Variants in WWOX observed in about 807,000 individuals in gnomAD.
WWOX encodes WW domain-containing oxidoreductase.
WWOX carries 69 observed loss-of-function variants against 46.2 expected under a neutral mutation model. That is an observed-to-expected ratio of 1.49 (90% CI 1.23 to 1.82). WWOX has a LOEUF of 1.82. Ranked by LOEUF, WWOX falls within the 40% of genes most tolerant of loss-of-function variation. The pLI is 0.00. For missense variants in WWOX, 919 were observed against 542.6 expected (o/e 1.69, Z -6.89); for synonymous variants, 359 against 202.6 (o/e 1.77, Z -6.56).
chr16:78,601,539 A>G (rs1257066014), intron 8 of WWOX, among the ~76,000 whole-genome samples: 1 of 152,200 alleles, frequency 6.6e-6, no homozygotes, highest in Non-Finnish European at 1.5e-5. Context: ...CATTTTCCAA[A>G]TTGTAAGGTC....
intron 8 of WWOX, among the ~76,000 whole-genome samples, chr16:79,142,632 C>T (rs955726691): frequency 2.0e-5 from 3 of 152,146 alleles, no homozygotes; most frequent in Non-Finnish European, 4.4e-5. Context: ...CTCTTCGAGT[C>T]AGTATATCTC....
intron 8 of WWOX, among the ~76,000 whole-genome samples, chr16:79,130,269 A>G (rs1395934100): frequency 6.6e-6 from 1 of 152,218 alleles, no homozygotes; most frequent in Non-Finnish European, 1.5e-5. Flanking sequence ...TTCTATATAA[A>G]GTGCTTAGCA....
intron 8 of WWOX, among the ~76,000 whole-genome samples, chr16:78,776,858 C>G (rs1359448510): frequency 4.6e-5 from 7 of 152,014 alleles, no homozygotes; most frequent in Admixed American, 3.9e-4. Context: ...CTCGCTATGT[C>G]AAGAATAGAA....
At chr16:78,663,768 C>T (rs376296432) in intron 8 of WWOX, among the ~76,000 whole-genome samples, 2 of 152,122 alleles carry the variant, frequency 1.3e-5, no homozygotes, top group East Asian at 1.9e-4. Flanking sequence ...GACATTTGAA[C>T]TACACCCTGA....
intron 8 of WWOX, among the ~76,000 whole-genome samples, chr16:78,879,240 G>A (rs750075283): frequency 3.9e-5 from 6 of 152,104 alleles, no homozygotes; most frequent in Non-Finnish European, 8.8e-5. Context: ...TGGGCATGCC[G>A]GGCAGGCTTT....
chr16:78,504,637 T>C (rs746293548), intron 8 of WWOX, among the ~76,000 whole-genome samples: 1 of 152,294 alleles, frequency 6.6e-6, no homozygotes, highest in African/African-American at 2.4e-5. Flanking sequence ...CCAGAACTTA[T>C]GAAATATGAC....
chr16:78,547,616 C>G (rs1261543766), intron 8 of WWOX, among the ~76,000 whole-genome samples: 2 of 152,136 alleles, frequency 1.3e-5, no homozygotes, highest in African/African-American at 4.8e-5. Context: ...AAATCTATTT[C>G]TCATAGTTCT....
intron 8 of WWOX, among the ~76,000 whole-genome samples, chr16:79,061,520 A>C (rs1047522291): frequency 6.6e-6 from 1 of 152,184 alleles, no homozygotes; most frequent in East Asian, 1.9e-4. Context: ...CCCATTCAAC[A>C]ATTAGAAGCT....
rs2032267554 is a variant in WWOX at position 78,108,137 on chromosome 16, A to G, written c.108-286A>G. Among the ~76,000 whole-genome samples, 4 of 151,704 alleles carry G rather than the reference A, an allele frequency of 2.6e-5. No individual in the cohort carries two copies. In the South Asian group the frequency reaches 8.4e-4, roughly 32 times the overall value. On this transcript the variant is annotated intron_variant, in intron 1 of 8. Transcript: ENST00000566780. The stretch of plus-strand genomic sequence containing the variant: ...GAGACAGGGTTTCACCATGTTGGCC[A>G]GGATGGTCTCCATCTCCTGACCTTG...
intron 8 of WWOX, among the ~76,000 whole-genome samples, chr16:79,093,374 C>G (rs1280849688): frequency 1.3e-5 from 2 of 152,002 alleles, no homozygotes; most frequent in Admixed American, 6.5e-5. Context: ...AAAATGAGTC[C>G]TTTCAATTAT....
intron 5 of WWOX, among the ~76,000 whole-genome samples, chr16:78,339,896 G>A (rs2080974045): frequency 8.9e-6 from 1 of 112,636 alleles, no homozygotes; most frequent in African/African-American, 3.0e-5. Flanking sequence ...CCTTTCAAGA[G>A]AATTTTAGGT....
In WWOX at chr16:78,320,319, C is replaced by A. The variant is rs113959099; in HGVS notation, c.517-66541C>A. On this transcript the variant is annotated intron_variant, in intron 5 of 8. Coordinates refer to ENST00000566780, the MANE Select transcript of WWOX (RefSeq NM_016373.4). The stretch of plus-strand genomic sequence containing the variant: ...TCAACAGACTTTTGTTTTTTATCCC[C>A]TTCGGTGTAGGTTGTCATACTAAAT... 6.1e-3 allele frequency among the ~76,000 whole-genome samples: 936 copies of A among 152,256 alleles called. 13 individuals are homozygous for A. Among genetic ancestry groups the A allele is most frequent in the African/African-American group, 0.021 (890 of 41,538 alleles).
rs2071565614 is a variant in WWOX, at chr16:78,598,534, G to A, written c.1056+165782G>A. Among the ~76,000 whole-genome samples the A allele has an allele frequency of 2.6e-5, 4 of 152,298 alleles. No homozygotes were observed. The South Asian group carries it at 8.3e-4, about 32-fold the overall frequency. On this transcript the variant is annotated intron_variant, in intron 8 of 8. Coordinates refer to ENST00000566780, the MANE Select transcript of WWOX (RefSeq NM_016373.4). ...TTCTTGCCATGGCGAGAGCTTAGTTGGGGGAGAGATTTTGACCAGGCAGGC... is the reference window on the plus strand; with the variant it reads ...TTCTTGCCATGGCGAGAGCTTAGTTAGGGGAGAGATTTTGACCAGGCAGGC...
intron 8 of WWOX, among the ~76,000 whole-genome samples, chr16:78,522,577 G>A (rs914740648): frequency 6.6e-6 from 1 of 152,212 alleles, no homozygotes. Context: ...CATCTACACT[G>A]GGAAATTGCT....
intron 6 of WWOX, among the ~76,000 whole-genome samples, chr16:78,417,579 G>C (rs1471715383): frequency 1.3e-5 from 2 of 152,280 alleles, no homozygotes; most frequent in East Asian, 1.9e-4. Context: ...AACCTGAAAG[G>C]AGTTCAAATG....
chr16:78,602,476 C>G (rs1184779581), intron 8 of WWOX, among the ~76,000 whole-genome samples: 2 of 152,164 alleles, frequency 1.3e-5, no homozygotes, highest in Admixed American at 6.5e-5. Flanking sequence ...TTGTGATCCA[C>G]CCACCTCGGC....
intron 5 of WWOX, among the ~76,000 whole-genome samples, chr16:78,244,825 C>T (rs984101923): frequency 9.2e-5 from 14 of 152,114 alleles, no homozygotes; most frequent in African/African-American, 3.1e-4. Context: ...TTTTCTTTCC[C>T]CCTTGGAGTT....
intron 8 of WWOX, among the ~76,000 whole-genome samples, chr16:79,165,894 A>G (rs767135260): frequency 3.9e-5 from 6 of 152,174 alleles, no homozygotes; most frequent in Non-Finnish European, 8.8e-5. Flanking sequence ...TATTACCTTC[A>G]TAACCAAGGT....
chr16:79,001,718 A>G (rs1437175435), intron 8 of WWOX, among the ~76,000 whole-genome samples: 4 of 149,760 alleles, frequency 2.7e-5, no homozygotes, highest in East Asian at 2.0e-4. Context: ...AAGGGAGGGG[A>G]GAGAGGGGGA....
Sources: gnomAD v4.1 joint callset for allele counts (sites outside exome capture counted in the v4.1 genomes callset) on GRCh38, gnomAD v4.1.1 for gene constraint, MANE v1.5 for transcripts, NCBI Gene and HGNC (gene_info 2026-07-23, HGNC 2026-07-21) for gene names.